The following C10orf71 variants were observed in gnomAD, a reference collection of about 807,000 sequenced individuals.
C10orf71 encodes cardiac-enriched FHL2-interacting protein.
For missense variants in C10orf71, 1,869 were observed against 1,804.5 expected (o/e 1.04, Z -0.65); for synonymous variants, 758 against 726.3 (o/e 1.04, Z -0.70).
At chr10:49,304,447 G>A (rs1016562422) in intron 1 of C10orf71, among the ~76,000 whole-genome samples, 1 of 152,228 alleles carries the variant, frequency 6.6e-6, no homozygotes, top group Non-Finnish European at 1.5e-5. Context: ...TACAGAGTGA[G>A]GGACAGGTTG....
intron 2 of C10orf71, among the ~76,000 whole-genome samples, chr10:49,319,302 T>TTATG (rs1414603427): frequency 6.6e-6 from 1 of 151,802 alleles, no homozygotes; most frequent in African/African-American, 2.4e-5. Flanking sequence ...CAAGAGAATG[T>TTATG]TATGTAGCAC....
At chr10:49,310,389 C>T (rs144567177) in intron 1 of C10orf71, among the ~76,000 whole-genome samples, 6 of 152,184 alleles carry the variant, frequency 3.9e-5, no homozygotes, top group African/African-American at 7.2e-5. Context: ...TCCCAGGACA[C>T]GCCTAAGGAA....
chr10:49,325,212 C>T lies in C10orf71; in HGVS notation c.2667C>T (p.His889=). 1 of 1,552,006 alleles carries T rather than the reference C, an allele frequency of 6.4e-7. No individual in the cohort carries two copies. The highest frequency in any genetic ancestry group is 8.7e-7 in the Non-Finnish European group (1 of 1,147,056). ...TGGAGGACTCCCTCAGCAGTGGCCA[C>T]AAAGAGGAGGAATTGCCAAGGCCAG... ...MSLEDSLSSG[H]KEEELPRPEW... The change falls in exon 3 of 3, where the codon CAC becomes CAT. Residue 889 remains histidine (H), a synonymous_variant. Transcript: ENST00000374144.
chr10:49,299,759 C>A (rs370022025), intron 1 of C10orf71, among the ~76,000 whole-genome samples: 6 of 152,208 alleles, frequency 3.9e-5, no homozygotes, highest in African/African-American at 9.6e-5. Context: ...CAGGCCACTG[C>A]GCTGTCAAAT....
intron 1 of C10orf71, among the ~76,000 whole-genome samples, chr10:49,303,170 C>G (rs1848756788): frequency 6.6e-6 from 1 of 152,180 alleles, no homozygotes; most frequent in South Asian, 2.1e-4. Flanking sequence ...TTCATGCTCA[C>G]AACTCAGTGG....
At position 49,326,143 on chromosome 10, in the gene C10orf71, A is replaced by C; in HGVS notation, c.3598A>C (p.Lys1200Gln). ...GAGGAAGACGGATCAGGCTCAGGAG[A>C]AGCATGGCGAGTCACAGGAGGGAAA... The part of the protein sequence containing the change: ...KRRKTDQAQE[K>Q]HGESQEGKPC... The change falls in exon 3 of 3, where the codon AAG becomes CAG. Residue 1200 changes from lysine (K) to glutamine (Q), a missense_variant. Transcript: ENST00000374144. 6.4e-7 allele frequency: 1 copy of C among 1,551,604 alleles called. No homozygotes were observed. The highest frequency in any genetic ancestry group is 8.7e-7 in the Non-Finnish European group (1 of 1,146,964).
Position 49,322,962 on chromosome 10 carries a change from T to G in C10orf71, c.417T>G (p.Pro139=). 1 of 1,614,016 alleles carries G rather than the reference T, an allele frequency of 6.2e-7. No individual in the cohort carries two copies. Among genetic ancestry groups the G allele is most frequent in the South Asian group, 1.1e-5 (1 of 91,082 alleles). ...CCGGCCTAAGGAGCAGCAATAAGCC[T>G]GTCTCCAAAGTATCAACACTAATTA... The part of the protein sequence containing the change: ...PVSGLRSSNK[P]VSKVSTLIKS... Residue 139 remains proline (P), a synonymous_variant, in exon 3 of 3, where the codon CCT becomes CCG. Transcript: ENST00000374144.
chr10:49,317,633 T>TGTCAAGTA (rs1465787546), intron 2 of C10orf71, among the ~76,000 whole-genome samples: 2 of 152,136 alleles, frequency 1.3e-5, no homozygotes, highest in African/African-American at 2.4e-5. Flanking sequence ...GACAGATTAC[T>TGTCAAGTA]TGAGCCTGGG....
Position 49,326,436 on chromosome 10 carries a change from G to T in C10orf71, c.3891G>T (p.Lys1297Asn), listed in dbSNP as rs899995017. Residue 1297 changes from lysine (K) to asparagine (N), a missense_variant, in exon 3 of 3, where the codon AAG becomes AAT. Lys to Asn is a moderately conservative substitution (Grantham distance 94, BLOSUM62 0). Coordinates refer to ENST00000374144, the MANE Select transcript of C10orf71 (RefSeq NM_001135196.2). ...ACTTGCCACTCCAGGTGAAAATCAA[G>T]ACCTTCTATGACCCAGAGACGGGCA... ...VFDLPLQVKI[K>N]TFYDPETGKY... 6.5e-7 allele frequency: 1 copy of T among 1,550,308 alleles called. No homozygotes were observed. The highest frequency in any genetic ancestry group is 1.4e-5 in the African/African-American group (1 of 73,132).
chr10:49,302,719 A>G (rs1175775373), intron 1 of C10orf71, among the ~76,000 whole-genome samples: 4 of 152,312 alleles, frequency 2.6e-5, no homozygotes, highest in Admixed American at 2.6e-4. Context: ...CTATCCCATC[A>G]CTAGAGTCAA....
At chr10:49,318,958 C>G (rs1849044322) in intron 2 of C10orf71, among the ~76,000 whole-genome samples, 1 of 152,332 alleles carries the variant, frequency 6.6e-6, no homozygotes, top group Admixed American at 6.5e-5. Context: ...CCTTCACCAT[C>G]CATCCCCTGG....
chr10:49,319,510 T>C (rs962932866), intron 2 of C10orf71, among the ~76,000 whole-genome samples: 3 of 151,732 alleles, frequency 2.0e-5, no homozygotes, highest in African/African-American at 7.3e-5. Context: ...GCAATTCCAC[T>C]TCTGGGGTTA....
At chr10:49,305,512 C>T (rs1453871779) in intron 1 of C10orf71, among the ~76,000 whole-genome samples, 2 of 152,120 alleles carry the variant, frequency 1.3e-5, no homozygotes, top group African/African-American at 4.8e-5. Context: ...ATACCAGGTG[C>T]TCATTACCCA....
chr10:49,318,010 C>A (rs1849028400), intron 2 of C10orf71, among the ~76,000 whole-genome samples: 1 of 152,126 alleles, frequency 6.6e-6, no homozygotes, highest in Non-Finnish European at 1.5e-5. Flanking sequence ...TCATAAGGAA[C>A]CAACCTTGTG....
chr10:49,326,427 G>GA lies in C10orf71; in HGVS notation c.3886dup (p.Ile1296AsnfsTer6), dbSNP rs1486805859. ...TTGTCTTCGACTTGCCACTCCAGGT[G>GA]AAAATCAAGACCTTCTATGACCCAG... On this transcript the variant is annotated frameshift_variant, in exon 3 of 3. Coordinates refer to ENST00000374144, the MANE Select transcript of C10orf71 (RefSeq NM_001135196.2). LOFTEE classifies it low-confidence loss of function (END_TRUNC). The GA allele has an allele frequency of 2.6e-6, 4 of 1,550,438 alleles. No individual in the cohort carries two copies. In the African/African-American group the frequency reaches 5.5e-5, roughly 21 times the overall value.
At chr10:49,322,372 G>A (rs370855730) in intron 2 of C10orf71, 30 bp from the exon 3 acceptor site, 3 of 673,664 alleles carry the variant, frequency 4.5e-6, no homozygotes, top group East Asian at 5.7e-5. Context: ...TGTATACTTT[G>A]TTCACGCCCT....
rs571701219 is a variant in C10orf71, at chr10:49,326,473, G to A, written c.3928G>A (p.Val1310Ile). 1.5e-4 allele frequency: 237 copies of A among 1,550,190 alleles called. 1 individual carries two copies. The East Asian group carries it at 4.8e-3, about 31-fold the overall frequency. ...YDPETGKYVK[V>I]SIPSSEGASP... The stretch of plus-strand genomic sequence containing the variant: ...CCCAGAGACGGGCAAGTATGTCAAG[G>A]TCTCCATCCCGTCCTCCGAGGGGGC... The change falls in exon 3 of 3, where the codon GTC becomes ATC. Residue 1310 changes from valine to isoleucine, a missense_variant. By Grantham distance (29) the Val-to-Ile change is conservative. Coordinates refer to ENST00000374144, the MANE Select transcript of C10orf71 (RefSeq NM_001135196.2).
chr10:49,324,551 A>C lies in C10orf71; in HGVS notation c.2006A>C (p.Glu669Ala), dbSNP rs1340779912. 1 of 1,613,786 alleles carries C rather than the reference A, an allele frequency of 6.2e-7. No individual in the cohort carries two copies. The highest frequency in any genetic ancestry group is 8.5e-7 in the Non-Finnish European group (1 of 1,179,806). The part of the protein sequence containing the change: ...ATEKMKTHQL[E>A]NGLSRSVSQE... ...GAGAAAATGAAGACCCACCAGCTAG[A>C]GAATGGGCTCTCCAGATCTGTGTCC... The change falls in exon 3 of 3, where the codon GAG becomes GCG. Residue 669 changes from glutamate to alanine, a missense_variant. Physicochemically the swap from Glu to Ala is moderately radical, Grantham distance 107. Coordinates refer to ENST00000374144, the MANE Select transcript of C10orf71 (RefSeq NM_001135196.2).
intron 2 of C10orf71, among the ~76,000 whole-genome samples, chr10:49,319,393 C>T (rs768856033): frequency 2.0e-5 from 3 of 150,266 alleles, no homozygotes; most frequent in Admixed American, 6.6e-5. Context: ...TGTGGAGAAA[C>T]TGGAACACTT....
Sources: gnomAD v4.1 joint callset for allele counts (sites outside exome capture counted in the v4.1 genomes callset) on GRCh38, gnomAD v4.1.1 for gene constraint, MANE v1.5 for transcripts, NCBI Gene and HGNC (gene_info 2026-07-23, HGNC 2026-07-21) for gene names.